The following FGGY variants were observed in gnomAD, a reference collection of about 807,000 sequenced individuals.
FGGY encodes FGGY carbohydrate kinase domain containing.
A neutral mutation model predicts 71.3 loss-of-function variants in FGGY; 72 were observed. The observed-to-expected ratio is 1.01, with a 90% CI of 0.84 to 1.23. The LOEUF is 1.23. FGGY is among the 50% of genes most tolerant of loss of function. The probability of loss-of-function intolerance (pLI) is 0.00; values close to 1 mark genes in which losing one functional copy is unlikely to be tolerated. For missense variants in FGGY, 668 were observed against 682.3 expected (o/e 0.98, Z 0.23); for synonymous variants, 251 against 250.3 (o/e 1.00, Z -0.02).
chr1:59,699,990 A>G (rs1228323589), intron 14 of FGGY, among the ~76,000 whole-genome samples: 1 of 152,186 alleles, frequency 6.6e-6, no homozygotes, highest in Non-Finnish European at 1.5e-5. Context: ...TATTTCTTCT[A>G]GCTTCTCAGA....
intron 5 of FGGY, among the ~76,000 whole-genome samples, chr1:59,421,530 C>T (rs2065428535): frequency 6.8e-6 from 1 of 147,190 alleles, no homozygotes; most frequent in Non-Finnish European, 1.5e-5. Flanking sequence ...TTTCTCCTTC[C>T]CTCACTCCCT....
At chr1:59,717,213 G>A (rs756913743) in intron 14 of FGGY, among the ~76,000 whole-genome samples, 17 of 152,076 alleles carry the variant, frequency 1.1e-4, no homozygotes, top group Non-Finnish European at 1.9e-4. Flanking sequence ...GTGTTGTTAC[G>A]TTCTTCCTTG....
intron 7 of FGGY, among the ~76,000 whole-genome samples, chr1:59,532,824 A>C (rs1419516676): frequency 3.9e-5 from 6 of 152,206 alleles, no homozygotes; most frequent in Non-Finnish European, 8.8e-5. Context: ...AAAGAAAGAA[A>C]GCTAACATCA....
intron 4 of FGGY, among the ~76,000 whole-genome samples, chr1:59,370,458 T>C (rs1250043387): frequency 2.6e-5 from 4 of 152,076 alleles, no homozygotes; most frequent in Non-Finnish European, 5.9e-5. Context: ...ACGGGGAGAA[T>C]GGAACCAAAC....
At chr1:59,710,161 A>G (rs767306904) in intron 14 of FGGY, among the ~76,000 whole-genome samples, 11 of 152,154 alleles carry the variant, frequency 7.2e-5, no homozygotes, top group Non-Finnish European at 1.5e-5. Context: ...TGTTCCATCA[A>G]TTTTTCACCT....
intron 6 of FGGY, among the ~76,000 whole-genome samples, chr1:59,482,559 T>C (rs1469463201): frequency 7.7e-6 from 1 of 129,404 alleles, no homozygotes; most frequent in African/African-American, 3.3e-5. Context: ...TGTGTGTCTA[T>C]GTGTATATAT....
At chr1:59,560,277 G>A (rs1480544895) in intron 8 of FGGY, among the ~76,000 whole-genome samples, 1 of 152,148 alleles carries the variant, frequency 6.6e-6, no homozygotes, top group Non-Finnish European at 1.5e-5. Context: ...ATTTCTCAAA[G>A]CTGTCATCCA....
chr1:59,618,721 G>A (rs1042393930), intron 9 of FGGY, among the ~76,000 whole-genome samples: 9 of 152,068 alleles, frequency 5.9e-5, no homozygotes, highest in Admixed American at 3.9e-4. Context: ...GTGAGAATGA[G>A]ACTTAGACTG....
intron 14 of FGGY, among the ~76,000 whole-genome samples, chr1:59,683,546 G>T (rs2097522354): frequency 6.6e-6 from 1 of 152,200 alleles, no homozygotes; most frequent in African/African-American, 2.4e-5. Flanking sequence ...GCCTTGTCCA[G>T]CCCAGCCAGC....
In FGGY at chr1:59,742,783, C is replaced by T. The variant is rs545884718; in HGVS notation, c.1513-15148C>T. ...TCTGAGCCCACTCTGTCTTTCTGCT[C>T]CACATCAGTCTCTCATGGTGTCTTT... is the stretch of plus-strand genomic sequence containing the variant. On this transcript the variant is annotated intron_variant, in intron 14 of 15. Coordinates refer to ENST00000303721, the MANE Select transcript of FGGY (RefSeq NM_018291.5). Among the ~76,000 whole-genome samples, 10 of 152,342 alleles carry T rather than the reference C, an allele frequency of 6.6e-5. 1 individual carries two copies. Among genetic ancestry groups the T allele is most frequent in the Admixed American group, 1.3e-4 (2 of 15,312 alleles).
rs1331527065 is a variant in FGGY at position 59,554,228 on chromosome 1, G to T, written c.903+1G>T. On this transcript the variant is annotated splice_donor_variant, in intron 8 of 15. Transcript: ENST00000303721. LOFTEE classifies it high-confidence loss of function. ...TGGAACGTCTTCTTGTCACATGGGG[G>T]TGAGTCCACTGAGCACAAAGGCAAG... 2 of 1,611,742 alleles carry T rather than the reference G, an allele frequency of 1.2e-6. No homozygotes were observed. Among genetic ancestry groups the T allele is most frequent in the South Asian group, 2.2e-5 (2 of 90,916 alleles).
rs116074201 is a variant in FGGY, at chr1:59,413,428, A to G, written c.554+34591A>G. Among the ~76,000 whole-genome samples, 389 of 152,276 alleles carry G rather than the reference A, an allele frequency of 2.6e-3. 2 individuals carry two copies. The highest frequency in any genetic ancestry group is 9.1e-3 in the African/African-American group (377 of 41,546). ...ATATATGAATTGAAATAAATAAATG[A>G]AAGAGCCAGTGAATAAATGACAGTG... On this transcript the variant is annotated intron_variant, in intron 5 of 15. Transcript: ENST00000303721.
chr1:59,442,317 A>G (rs572601755), intron 5 of FGGY, among the ~76,000 whole-genome samples: 2 of 152,324 alleles, frequency 1.3e-5, no homozygotes, highest in Non-Finnish European at 2.9e-5. Flanking sequence ...GTCTGAATGT[A>G]TCCTCCTTCT....
At chr1:59,657,722 G>A (rs548994030) in intron 11 of FGGY, among the ~76,000 whole-genome samples, 1 of 152,280 alleles carries the variant, frequency 6.6e-6, no homozygotes, top group South Asian at 2.1e-4. Context: ...ACTCCCAGAT[G>A]GGGTGCCTTT....
At position 59,605,066 on chromosome 1, in the gene FGGY, A is replaced by C. The variant is rs76446069; in HGVS notation, c.904-2737A>C. ...TGCATTCTTTCTCTCTCATACACAC[A>C]ACACTCACACTCACCCACCTGAATA... On this transcript the variant is annotated intron_variant, in intron 8 of 15. Transcript: ENST00000303721. 2.6e-3 allele frequency among the ~76,000 whole-genome samples: 397 copies of C among 152,220 alleles called. 4 individuals carry two copies. The highest frequency in any genetic ancestry group is 9.1e-3 in the African/African-American group (377 of 41,512).
intron 4 of FGGY, among the ~76,000 whole-genome samples, chr1:59,369,441 A>T (rs1051582014): frequency 2.6e-5 from 4 of 152,212 alleles, no homozygotes; most frequent in African/African-American, 9.6e-5. Context: ...ACCACAGCTC[A>T]AGGAGGCCTG....
At chr1:59,710,095 G>C (rs2097783700) in intron 14 of FGGY, among the ~76,000 whole-genome samples, 1 of 152,196 alleles carries the variant, frequency 6.6e-6, no homozygotes, top group South Asian at 2.1e-4. Flanking sequence ...AGTGGGATGG[G>C]GCAGCAGAAG....
At chr1:59,482,760 A>G (rs1402720773) in intron 6 of FGGY, among the ~76,000 whole-genome samples, 1 of 152,012 alleles carries the variant, frequency 6.6e-6, no homozygotes, top group African/African-American at 2.4e-5. Context: ...AAGCTCAGAG[A>G]GGTGAAATAA....
intron 8 of FGGY, among the ~76,000 whole-genome samples, chr1:59,603,826 CT>C (rs1188699307): frequency 3.3e-5 from 5 of 152,288 alleles, no homozygotes; most frequent in Admixed American, 2.6e-4. Context: ...TCTAATGGCC[CT>C]TGCTTTCTGC....
Sources: gnomAD v4.1 joint callset for allele counts (sites outside exome capture counted in the v4.1 genomes callset) on GRCh38, gnomAD v4.1.1 for gene constraint, MANE v1.5 for transcripts, NCBI Gene and HGNC (gene_info 2026-07-23, HGNC 2026-07-21) for gene names.